TNXB: variants seen among roughly 807,000 people sequenced by gnomAD.
TNXB encodes tenascin XB.
In TNXB, 183 loss-of-function variants were observed where a neutral mutation model predicts 340.5. The observed-to-expected ratio is 0.54, with a 90% confidence interval of 0.48 to 0.61. TNXB has a LOEUF of 0.61. TNXB is among the 20% of genes least tolerant of loss of function. The pLI is 0.00. For missense variants in TNXB, 4,613 were observed against 5,446.4 expected (o/e 0.85, Z 4.82); for synonymous variants, 2,121 against 2,314.5 (o/e 0.92, Z 2.40).
chr6:32,069,149 G>A lies in TNXB; in HGVS notation c.5588-13C>T, dbSNP rs1365978578. The A allele has an allele frequency of 1.3e-6, 2 of 1,590,786 alleles. No homozygotes were observed. The highest frequency in any genetic ancestry group is 1.7e-6 in the Non-Finnish European group (2 of 1,170,668). On this transcript the variant is annotated splice_polypyrimidine_tract_variant and intron_variant, in intron 15 of 43. Coordinates refer to ENST00000644971, the MANE Select transcript of TNXB (RefSeq NM_001365276.2). This position sits in a 1 kb window ranked among gnomAD's most constrained non-coding sequence, Gnocchi z 6.2. ...TCTTCCCTGCCGGCTGGTTCACAGA[G>A]ACAGGTAGAGACAGATGGCTGGTGT...
In TNXB at chr6:32,069,488, G is replaced by A. The variant is rs1778617070; in HGVS notation, c.5587+65C>T. On this transcript the variant is annotated intron_variant, in intron 15 of 43. Transcript: ENST00000644971. The surrounding 1 kb of genome is among the most constrained non-coding windows in gnomAD (Gnocchi z 6.2). ...AAATGGGAAGCTCAGAGATCTTATG[G>A]CTCAGTCAGACCAGGAGAGCCAGGC... 6.8e-7 allele frequency: 1 copy of A among 1,478,936 alleles called. No homozygotes were observed. The highest frequency in any genetic ancestry group is 9.0e-7 in the Non-Finnish European group (1 of 1,107,852). 91.6% of individuals were successfully genotyped at this position (1,478,936 alleles called of 1,614,324 possible). A position where few individuals can be genotyped will look rare whatever the true frequency, so the allele number is the denominator to read the frequency against.
chr6:32,101,898 A>AT (rs1444027006), intron 1 of TNXB, among the ~76,000 whole-genome samples: 1 of 151,826 alleles, frequency 6.6e-6, no homozygotes, highest in East Asian at 1.9e-4. Context: ...TAATTTTTAA[A>AT]TTTTTTGTAG....
In TNXB at chr6:32,061,649, G is replaced by C; in HGVS notation, c.7240C>G (p.Leu2414Val). 6.2e-7 allele frequency: 1 copy of C among 1,612,734 alleles called. No homozygotes were observed. Residue 2414 changes from leucine (L) to valine (V), a missense_variant, in exon 21 of 44, where the codon CTG (leucine) becomes GTG (valine). This residue lies in a region of TNXB where 4,327 missense variants were observed against 4,859.4 expected (regional missense o/e 0.89). Transcript: ENST00000644971. This position sits in a 1 kb window ranked among gnomAD's most constrained non-coding sequence, Gnocchi z 4.4. The stretch of plus-strand genomic sequence containing the variant: ...GATCCTGTCACTGTTAGCTCCCCCA[G>C]GAGCGGCTCCTCAGGGGGCTCCGGG... ...EAPEPPEEPL[L>V]GELTVTGSSP...
At position 32,081,718 on chromosome 6, in the gene TNXB, G is replaced by T; in HGVS notation, c.3737-45C>A. ...GCCAGGTGCTGAACTGGCAGCCTGG[G>T]ACTGGGGCTTGGGGTTTCGACGGGA... On this transcript the variant is annotated intron_variant, in intron 9 of 43. Coordinates refer to ENST00000644971, the MANE Select transcript of TNXB (RefSeq NM_001365276.2). This position sits in a 1 kb window ranked among gnomAD's most constrained non-coding sequence, Gnocchi z 5.1. The T allele has an allele frequency of 6.7e-7, 1 of 1,496,042 alleles. No homozygotes were observed. Among genetic ancestry groups the T allele is most frequent in the South Asian group, 1.3e-5 (1 of 78,166 alleles). 92.7% of individuals were successfully genotyped at this position (1,496,042 alleles called of 1,614,324 possible).
Position 32,089,199 on chromosome 6 carries a change from C to G in TNXB, c.2515+24G>C, listed in dbSNP as rs371089984. ...AGTCCAGATCTCCACTCAGGACACC[C>G]CTCCCCACAGCCCCAGCTCTCACTG... On this transcript the variant is annotated intron_variant, in intron 5 of 43. Transcript: ENST00000644971. The surrounding 1 kb of genome is among the most constrained non-coding windows in gnomAD (Gnocchi z 6.2). The G allele has an allele frequency of 1.6e-5, 25 of 1,582,508 alleles. No homozygotes were observed. In the African/African-American group the frequency reaches 3.1e-4, roughly 20 times the overall value.
At chr6:32,086,527 G>C (rs746800114) in intron 6 of TNXB, among the ~76,000 whole-genome samples, 7 of 152,198 alleles carry the variant, frequency 4.6e-5, no homozygotes, top group African/African-American at 7.2e-5. Flanking sequence ...TGCAAGAGGA[G>C]AGTGGGCAGT....
At position 32,058,020 on chromosome 6, in the gene TNXB, G is replaced by A; in HGVS notation, c.7825+38C>T. On this transcript the variant is annotated intron_variant, in intron 22 of 43. Coordinates refer to ENST00000644971, the MANE Select transcript of TNXB (RefSeq NM_001365276.2). The surrounding 1 kb of genome is among the most constrained non-coding windows in gnomAD (Gnocchi z 5.1). ...TGGTAGAGAAGGGCACATTTTCTAG[G>A]GCTGTCTTCCAACCCTGCCCCACCC... 1 of 1,564,990 alleles carries A rather than the reference G, an allele frequency of 6.4e-7. No homozygotes were observed. The highest frequency in any genetic ancestry group is 2.3e-5 in the East Asian group (1 of 44,270).
chr6:32,087,491 T>C lies in TNXB; in HGVS notation c.2779+1294A>G, dbSNP rs375061808. The C allele has an allele frequency of 5.1e-5, 25 of 489,808 alleles. No homozygotes were observed. Among genetic ancestry groups the C allele is most frequent in the African/African-American group, 4.7e-4 (24 of 51,418 alleles). 30.3% of individuals were successfully genotyped at this position (489,808 alleles called of 1,614,324 possible). A position where few individuals can be genotyped will look rare whatever the true frequency, so the allele number is the denominator to read the frequency against. On this transcript the variant is annotated intron_variant, in intron 6 of 43. Coordinates refer to ENST00000644971, the MANE Select transcript of TNXB (RefSeq NM_001365276.2). The surrounding 1 kb of genome is among the most constrained non-coding windows in gnomAD (Gnocchi z 9.0). ...ACGAGAAGCGCGCCATCGGCGGAAC[T>C]GCCCAGCACCTCTGGCTTGGGGTGG...
chr6:32,084,618 C>G lies in TNXB; in HGVS notation c.3240G>C (p.Leu1080=). The change falls in exon 8 of 44, where the codon CTG becomes CTC. Residue 1080 remains leucine (L), a synonymous_variant. Coordinates refer to ENST00000644971, the MANE Select transcript of TNXB (RefSeq NM_001365276.2). This position sits in a 1 kb window ranked among gnomAD's most constrained non-coding sequence, Gnocchi z 5.5. ...ACTCGCCCTCGGGGACCGTCCAGCG[C>G]AGGAGCAAGGAGTCGGAGGTCCTGT... ...VTDRTSDSLL[L]RWTVPEGEFD... 1 of 1,605,090 alleles carries G rather than the reference C, an allele frequency of 6.2e-7. No homozygotes were observed. Among genetic ancestry groups the G allele is most frequent in the Non-Finnish European group, 8.5e-7 (1 of 1,176,776 alleles).
chr6:32,081,546 G>A lies in TNXB; in HGVS notation c.3864C>T (p.Phe1288=), dbSNP rs574036721. The change falls in exon 10 of 44, where the codon TTC becomes TTT. Residue 1288 remains phenylalanine, a synonymous_variant. Transcript: ENST00000644971. The surrounding 1 kb of genome is among the most constrained non-coding windows in gnomAD (Gnocchi z 5.1). Reference sequence around the variant, plus strand: ...CCTTGTACTGGACCATGAATGAGTCGAAGGGGCCCTGGGCCACTGTCCATG... The same window carrying A: ...CCTTGTACTGGACCATGAATGAGTCAAAGGGGCCCTGGGCCACTGTCCATG... The part of the protein sequence containing the change: ...RLSWTVAQGP[F]DSFMVQYKDA... 2.2e-5 allele frequency: 36 copies of A among 1,605,010 alleles called. No homozygotes were observed. Among genetic ancestry groups the A allele is most frequent in the Non-Finnish European group, 2.8e-5 (33 of 1,176,070 alleles).
rs749992114 is a variant in TNXB at position 32,068,932 on chromosome 6, C to T, written c.5792G>A (p.Arg1931Gln). The T allele has an allele frequency of 1.8e-5, 29 of 1,612,716 alleles. No homozygotes were observed. The highest frequency in any genetic ancestry group is 2.3e-5 in the Non-Finnish European group (27 of 1,179,868). The change falls in exon 16 of 44, where the codon CGG becomes CAG. Residue 1931 changes from arginine to glutamine, a missense_variant. Around this residue, in one of 7 missense-constraint regions of TNXB, gnomAD observed 4,327 missense variants for 4,859.4 expected, o/e 0.89. Transcript: ENST00000644971. This position sits in a 1 kb window ranked among gnomAD's most constrained non-coding sequence, Gnocchi z 5.3. The stretch of plus-strand genomic sequence containing the variant: ...CAGGCCAGAGAGGGTGATGTCATTC[C>T]GGTCACCTCCTATGCGGACCATTTG... ...QLQMVRIGGD[R>Q]NDITLSGLES...
Position 32,079,761 on chromosome 6 carries a change from C to T in TNXB, c.4043-396G>A, listed in dbSNP as rs1779332714. Among the ~76,000 whole-genome samples, 1 of 152,194 alleles carries T rather than the reference C, an allele frequency of 6.6e-6. No individual in the cohort carries two copies. Among genetic ancestry groups the T allele is most frequent in the Admixed American group, 6.5e-5 (1 of 15,284 alleles). On this transcript the variant is annotated intron_variant, in intron 10 of 43. Transcript: ENST00000644971. This position sits in a 1 kb window ranked among gnomAD's most constrained non-coding sequence, Gnocchi z 7.1. ...GATCTGACCATGGAATGTGCTCTTG[C>T]TGTGGCCTCCCCAGGCAGCCCTGCC...
At position 32,044,363 on chromosome 6, in the gene TNXB, G is replaced by C; in HGVS notation, c.11263+18C>G. On this transcript the variant is annotated intron_variant, in intron 33 of 43. Transcript: ENST00000644971. Reference sequence around the variant, plus strand: ...ACAAAGACCCCCACTTTGGGGCAGAGTGTGTGTGGGTCCTTACCTGGGCTG... The same window carrying C: ...ACAAAGACCCCCACTTTGGGGCAGACTGTGTGTGGGTCCTTACCTGGGCTG... 2.4e-6 allele frequency: 1 copy of C among 422,108 alleles called. No homozygotes were observed. The allele number at this position is 422,108 out of a possible 1,614,324, so 26.1% of individuals were successfully genotyped here. A position where few individuals can be genotyped will look rare whatever the true frequency, so the allele number is the denominator to read the frequency against.
chr6:32,098,494 G>GT (rs1249683264), intron 1 of TNXB, among the ~76,000 whole-genome samples: 2 of 151,832 alleles, frequency 1.3e-5, no homozygotes, highest in East Asian at 3.9e-4. Flanking sequence ...TTGTTTGTTT[G>GT]TTTGAGACGG....
In TNXB at chr6:32,067,777, C is replaced by A; in HGVS notation, c.6428G>T (p.Gly2143Val). The A allele has an allele frequency of 6.2e-7, 1 of 1,613,668 alleles. No individual in the cohort carries two copies. Among genetic ancestry groups the A allele is most frequent in the Non-Finnish European group, 8.5e-7 (1 of 1,179,890 alleles). Residue 2143 changes from glycine (G) to valine (V), a missense_variant, in exon 18 of 44, where the codon GGC becomes GTC. Physicochemically the swap from Gly to Val is moderately radical, Grantham distance 109 (BLOSUM62 -3). This residue lies in a region of TNXB where 4,327 missense variants were observed against 4,859.4 expected (regional missense o/e 0.89). Coordinates refer to ENST00000644971, the MANE Select transcript of TNXB (RefSeq NM_001365276.2). The surrounding 1 kb of genome is among the most constrained non-coding windows in gnomAD (Gnocchi z 4.2). ...DGRPQVVRVG[G>V]EESEVTVGGL... is the part of the protein sequence containing the mutation. ...CCCCACGGTGACTTCACTCTCCTCG[C>A]CCCCAACACGCACCACCTGGGGCCG... is the stretch of plus-strand genomic sequence containing the variant.
chr6:32,096,219 C>A lies in TNXB; in HGVS notation c.1634G>T (p.Cys545Phe). The A allele has an allele frequency of 6.4e-7, 1 of 1,569,004 alleles. No individual in the cohort carries two copies. The highest frequency in any genetic ancestry group is 8.6e-7 in the Non-Finnish European group (1 of 1,160,494). ...GTCTTCCCCTGAGTAGCCTGCGTCACACACGCACACGCCATCCTCGCAAAG... is the reference window on the plus strand; with the variant it reads ...GTCTTCCCCTGAGTAGCCTGCGTCAAACACGCACACGCCATCCTCGCAAAG... ...HGLCEDGVCV[C>F]DAGYSGEDCS... Residue 545 changes from cysteine to phenylalanine, a missense_variant, in exon 3 of 44, where the codon TGT becomes TTT. Around this residue, in one of 7 missense-constraint regions of TNXB, gnomAD observed 4,327 missense variants for 4,859.4 expected, o/e 0.89. Transcript: ENST00000644971.
rs1779817670 is a variant in TNXB at position 32,087,064 on chromosome 6, G to T, written c.2780-946C>A. On this transcript the variant is annotated intron_variant, in intron 6 of 43. Transcript: ENST00000644971. This position sits in a 1 kb window ranked among gnomAD's most constrained non-coding sequence, Gnocchi z 9.0. ...GGATGGATGCCAGGACCCTGGGGTG[G>T]GGACGTCTTCTAGGGACAATGGACT... 6.6e-6 allele frequency among the ~76,000 whole-genome samples: 1 copy of T among 152,256 alleles called. No individual in the cohort carries two copies. Among genetic ancestry groups the T allele is most frequent in the Non-Finnish European group, 1.5e-5 (1 of 68,042 alleles).
chr6:32,048,730 G>A, intron 28 of TNXB, 80 bp from the exon 29 acceptor site: 1 of 1,311,412 alleles, frequency 7.6e-7, no homozygotes, highest in Non-Finnish European at 9.8e-7. Context: ...GGACTGGAGT[G>A]AGCATTTCTT....
In TNXB at chr6:32,048,748, T is replaced by G. The variant is rs138522604; in HGVS notation, c.9758-98A>C. ...CTGGAGTGAGCATTTCTTAGCGGCC[T>G]CCTCTAAAACGCTTGTTTTAGAATC... On this transcript the variant is annotated intron_variant, in intron 28 of 43. Transcript: ENST00000644971. 12,680 of 1,216,572 alleles carry G rather than the reference T, an allele frequency of 0.01. 77 individuals carry two copies. The highest frequency in any genetic ancestry group is 0.012 in the Non-Finnish European group (11,439 of 946,588). 75.4% of individuals were successfully genotyped at this position (1,216,572 alleles called of 1,614,324 possible). A position where few individuals can be genotyped will look rare whatever the true frequency, so the allele number is the denominator to read the frequency against.
Sources: gnomAD v4.1 joint callset for allele counts (sites outside exome capture counted in the v4.1 genomes callset) on GRCh38, gnomAD v4.1.1 for gene constraint, gnomAD v4.1.1 regional missense constraint, Gnocchi (gnomAD v3.1) non-coding constraint, MANE v1.5 for transcripts, NCBI Gene and HGNC (gene_info 2026-07-23, HGNC 2026-07-21) for gene names.